Variants in PDHX observed in about 807,000 individuals in gnomAD.
PDHX encodes pyruvate dehydrogenase protein X component, mitochondrial.
PDHX carries 33 observed loss-of-function variants against 55.3 expected under a neutral mutation model. That is an observed-to-expected ratio of 0.60 (90% CI 0.45 to 0.80). PDHX has a LOEUF of 0.80. Among genes scored for constraint, PDHX ranks in the 30% least tolerant of loss-of-function variants. The probability of loss-of-function intolerance (pLI) is 0.00; values close to 1 mark genes in which losing one functional copy is unlikely to be tolerated. For missense variants in PDHX, 622 were observed against 619.9 expected (o/e 1.00, Z -0.04); for synonymous variants, 226 against 219.4 (o/e 1.03, Z -0.27).
chr11:34,916,438 A>G (rs1853701390), upstream of PDHX: 1 of 1,477,370 alleles, frequency 6.8e-7, no homozygotes, highest in Non-Finnish European at 9.0e-7. Flanking sequence ...GGGGTCTGGT[A>G]AGGCCCCGCC....
At chr11:34,987,936 G>A (rs190002330) in intron 9 of PDHX, among the ~76,000 whole-genome samples, 79 of 152,124 alleles carry the variant, frequency 5.2e-4, no homozygotes, top group African/African-American at 1.2e-3. Context: ...ATATTTTACC[G>A]CATCCCCCAA....
intron 7 of PDHX, among the ~76,000 whole-genome samples, chr11:34,973,693 C>T (rs759506582): frequency 6.6e-6 from 1 of 152,122 alleles, no homozygotes. Flanking sequence ...TGCACTTCCT[C>T]CCTCTCATAT....
In PDHX at chr11:34,957,473, C is replaced by A; in HGVS notation, c.432C>A (p.Pro144=). The A allele has an allele frequency of 6.2e-7, 1 of 1,613,778 alleles. No individual in the cohort carries two copies. The highest frequency in any genetic ancestry group is 8.5e-7 in the Non-Finnish European group (1 of 1,179,746). ...EGEDWKHVEI[P]KDVGPPPPVS... is the part of the protein sequence containing the mutation. ...AAGATTGGAAACATGTTGAAATTCC[C>A]AAAGACGTAGGTCCTCCACCACCAG... Residue 144 remains proline (P), a synonymous_variant, in exon 4 of 11, where the codon CCC becomes CCA. Transcript: ENST00000227868.
intron 3 of PDHX, among the ~76,000 whole-genome samples, chr11:34,955,685 A>G (rs112816280): frequency 1.1e-4 from 16 of 152,192 alleles, no homozygotes; most frequent in African/African-American, 3.6e-4. Flanking sequence ...TTACGTTGGT[A>G]GAGTATATAT....
intron 10 of PDHX, among the ~76,000 whole-genome samples, chr11:34,994,637 G>C (rs1855820551): frequency 6.6e-6 from 1 of 152,048 alleles, no homozygotes; most frequent in Admixed American, 6.6e-5. Flanking sequence ...TCGTTATGTG[G>C]GACATGACTC....
chr11:34,956,665 A>T (rs1237573133), intron 3 of PDHX, among the ~76,000 whole-genome samples: 1 of 151,928 alleles, frequency 6.6e-6, no homozygotes, highest in Non-Finnish European at 1.5e-5. Flanking sequence ...ATTATCTTTG[A>T]TTTTATTTAA....
intron 8 of PDHX, among the ~76,000 whole-genome samples, chr11:34,983,997 AG>A (rs1439506037): frequency 1.3e-5 from 2 of 152,216 alleles, no homozygotes; most frequent in Non-Finnish European, 2.9e-5. Flanking sequence ...ACAAAGCTGG[AG>A]GCATCACGCT....
chr11:34,971,524 CT>C (rs1207276397), intron 7 of PDHX, among the ~76,000 whole-genome samples: 1 of 152,114 alleles, frequency 6.6e-6, no homozygotes, highest in East Asian at 1.9e-4. Flanking sequence ...TTCTCAAATA[CT>C]TTTTGTGCAT....
chr11:34,964,995 G>A (rs948940002), intron 5 of PDHX, among the ~76,000 whole-genome samples: 1 of 152,022 alleles, frequency 6.6e-6, no homozygotes, highest in South Asian at 2.1e-4. Flanking sequence ...TTGCACCCCA[G>A]TTAGACTGTT....
chr11:34,984,370 G>A (rs535564373), intron 8 of PDHX, among the ~76,000 whole-genome samples, 200 bp from the exon 9 acceptor site: 1 of 152,288 alleles, frequency 6.6e-6, no homozygotes, highest in East Asian at 1.9e-4. Context: ...GCTTCAAAAA[G>A]GTGGTATGTT....
At chr11:34,963,927 T>C (rs1855074850) in intron 5 of PDHX, among the ~76,000 whole-genome samples, 1 of 152,226 alleles carries the variant, frequency 6.6e-6, no homozygotes, top group African/African-American at 2.4e-5. Flanking sequence ...AATGTTTGTA[T>C]TCATCACACA....
rs564271492 is a variant in PDHX, at chr11:34,984,274, T to C, written c.1024-296T>C. 3.9e-5 allele frequency among the ~76,000 whole-genome samples: 6 copies of C among 152,312 alleles called. No individual in the cohort carries two copies. In the South Asian group the frequency reaches 1.2e-3, roughly 32 times the overall value. ...GGAAGTACAACAGACATTAAATAAC[T>C]TCTTGCAATCAGGAAAGAAAGCCCT... On this transcript the variant is annotated intron_variant, in intron 8 of 10. Coordinates refer to ENST00000227868, the MANE Select transcript of PDHX (RefSeq NM_003477.3).
At chr11:34,921,968 G>A (rs553175892) in intron 1 of PDHX, among the ~76,000 whole-genome samples, 1 of 152,188 alleles carries the variant, frequency 6.6e-6, no homozygotes, top group African/African-American at 2.4e-5. Context: ...ACTCAGAGAG[G>A]TTTTAGCATT....
At chr11:34,982,057 T>C (rs1855526103) in intron 8 of PDHX, among the ~76,000 whole-genome samples, 1 of 152,254 alleles carries the variant, frequency 6.6e-6, no homozygotes. Context: ...TTTGGTGTTT[T>C]AGACATGAAG....
Position 34,937,073 on chromosome 11 carries a change from TG to T in PDHX, c.241+5590del, listed in dbSNP as rs112076892. On this transcript the variant is annotated intron_variant, in intron 2 of 10. Transcript: ENST00000227868. ...TGCCGGGATTATAGGCGTGAGCCAC[TG>T]TGCCTGGGCAGGAAGTGGTTTCTAC... 5.5e-3 allele frequency among the ~76,000 whole-genome samples: 835 copies of T among 152,266 alleles called. 12 individuals carry two copies. Among genetic ancestry groups the T allele is most frequent in the African/African-American group, 0.019 (800 of 41,540 alleles).
chr11:34,937,678 A>G (rs1481600911), intron 2 of PDHX, among the ~76,000 whole-genome samples: 8 of 152,148 alleles, frequency 5.3e-5, no homozygotes, highest in African/African-American at 1.9e-4. Context: ...ATAACAGGCA[A>G]AATGATTTTG....
At chr11:34,966,454 A>G (rs1590756579) in intron 5 of PDHX, among the ~76,000 whole-genome samples, 186 bp from the exon 6 acceptor site, 1 of 152,324 alleles carries the variant, frequency 6.6e-6, no homozygotes, top group East Asian at 1.9e-4. Flanking sequence ...GAACGTGACA[A>G]ATAATGGTCA....
intron 7 of PDHX, among the ~76,000 whole-genome samples, chr11:34,975,963 A>G (rs768729503): frequency 1.3e-5 from 2 of 152,214 alleles, no homozygotes; most frequent in Non-Finnish European, 2.9e-5. Flanking sequence ...ATGGAAAGCT[A>G]TTTTAAAGAA....
rs7808 is a variant in PDHX at position 34,995,816 on chromosome 11, C to A, written c.*644C>A. 0.8 allele frequency: 122,543 copies of A among 152,442 alleles called. 49,453 individuals are homozygous for A. The highest frequency in any genetic ancestry group is 0.84 in the African/African-American group (34,691 of 41,508). The allele number at this position is 152,442 out of a possible 1,614,324, so 9.4% of individuals were successfully genotyped here. ...TATATAACACTGTGAACTTCTAAAG[C>A]AAGAGGATAAAAGAAGCATGAATGA... On this transcript the variant is annotated 3_prime_UTR_variant, in exon 11 of 11. Coordinates refer to ENST00000227868, the MANE Select transcript of PDHX (RefSeq NM_003477.3).
Sources: allele counts gnomAD v4.1 joint callset (sites outside exome capture counted in the v4.1 genomes callset), GRCh38; gene constraint gnomAD v4.1.1; transcripts MANE v1.5; gene names NCBI Gene and HGNC (gene_info 2026-07-23, HGNC 2026-07-21).